The following FBP2 variants were observed in gnomAD, a reference collection of about 807,000 sequenced individuals.
The protein encoded by FBP2 is fructose-1,6-bisphosphatase isozyme 2.
In FBP2, 27 loss-of-function variants were observed where a neutral mutation model predicts 31.6. The observed-to-expected ratio is 0.85, with a 90% CI of 0.63 to 1.18. The LOEUF (loss-of-function observed/expected upper bound fraction) is 1.18. FBP2 is among the 50% of genes most tolerant of loss of function. The pLI, the probability that FBP2 is intolerant of heterozygous loss-of-function variation, is 0.00. For missense variants in FBP2, 421 were observed against 436.1 expected (o/e 0.97, Z 0.31); for synonymous variants, 168 against 179.8 (o/e 0.93, Z 0.53).
chr9:94,592,463 T>A (rs1360179118), intron 1 of FBP2, among the ~76,000 whole-genome samples: 1 of 152,214 alleles, frequency 6.6e-6, no homozygotes, highest in East Asian at 1.9e-4. Flanking sequence ...AAAATATGTG[T>A]TCCTTCAGCT....
At chr9:94,559,299 GCCAGATGCATCAGATGGC>G in intron 6 of FBP2, 167 bp from the exon 7 acceptor site, 3 of 625,318 alleles carry the variant, frequency 4.8e-6, no homozygotes, top group Non-Finnish European at 8.2e-6. Flanking sequence ...CCTACAGCAG[GCCAGATGCATCAGATGGC>G]ACTCATCCAG....
intron 3 of FBP2, among the ~76,000 whole-genome samples, chr9:94,574,742 G>A (rs1827300184): frequency 6.6e-6 from 1 of 151,928 alleles, no homozygotes. Flanking sequence ...TTTTCTTTCT[G>A]GTTTTATTCC....
intron 3 of FBP2, among the ~76,000 whole-genome samples, chr9:94,579,118 G>T (rs1827348752): frequency 7.2e-6 from 1 of 138,386 alleles, no homozygotes; most frequent in Admixed American, 7.4e-5. Context: ...AAAAAACTTG[G>T]CCAGGCACGG....
intron 1 of FBP2, among the ~76,000 whole-genome samples, chr9:94,591,734 G>T (rs1827505964): frequency 1.3e-5 from 2 of 152,166 alleles, no homozygotes; most frequent in African/African-American, 4.8e-5. Context: ...AGTTGAAATC[G>T]TCATCACATG....
chr9:94,587,369 T>A lies in FBP2; in HGVS notation c.271A>T (p.Ser91Cys). The A allele has an allele frequency of 6.2e-7, 1 of 1,614,096 alleles. No individual in the cohort carries two copies. The highest frequency in any genetic ancestry group is 8.5e-7 in the Non-Finnish European group (1 of 1,179,998). The change falls in exon 2 of 7, where the codon AGT becomes TGT. Residue 91 changes from serine to cysteine, a missense_variant. Transcript: ENST00000375337. ...LVINMVQSSYSTCVLVSEENK... is the reference protein window; with the variant it reads ...LVINMVQSSYCTCVLVSEENK... ...TCTTCTGAGACCAGGACGCAGGTAC[T>A]ATAGGAGGATTGGACCATGTTGATC...
At chr9:94,590,954 A>G (rs1406135166) in intron 1 of FBP2, among the ~76,000 whole-genome samples, 3 of 152,168 alleles carry the variant, frequency 2.0e-5, no homozygotes, top group Admixed American at 6.5e-5. Context: ...CTAGATACAG[A>G]GTGTCGATTG....
chr9:94,578,903 A>C (rs1420136026), intron 3 of FBP2, among the ~76,000 whole-genome samples: 1 of 151,190 alleles, frequency 6.6e-6, no homozygotes, highest in Non-Finnish European at 1.5e-5. Flanking sequence ...AATACAAAAA[A>C]TTAGCTGGGT....
At position 94,559,858 on chromosome 9, in the gene FBP2, T is replaced by C. The variant is rs922258145; in HGVS notation, c.826-726A>G. 7.2e-5 allele frequency among the ~76,000 whole-genome samples: 11 copies of C among 152,128 alleles called. 1 individual carries two copies. Among genetic ancestry groups the C allele is most frequent in the African/African-American group, 2.7e-4 (11 of 41,406 alleles). On this transcript the variant is annotated intron_variant, in intron 6 of 6. Transcript: ENST00000375337. ...AGTAGTGCCGACACAGAGAAAGTGT[T>C]GGCTCCGGCCTGTAATCCCAGGATT...
chr9:94,593,528 G>A (rs1477420264), intron 1 of FBP2, 29 bp downstream of exon 1: 1 of 1,600,038 alleles, frequency 6.2e-7, no homozygotes, highest in Admixed American at 1.7e-5. Context: ...GGGGTGCTCT[G>A]TGCCCCATGC....
chr9:94,587,354 C>T lies in FBP2; in HGVS notation c.286G>A (p.Val96Ile). The T allele has an allele frequency of 1.2e-6, 2 of 1,613,976 alleles. No individual in the cohort carries two copies. Among genetic ancestry groups the T allele is most frequent in the Non-Finnish European group, 1.7e-6 (2 of 1,179,946 alleles). ...VQSSYSTCVL[V>I]SEENKDAIIT... ...ATGGCGTCCTTATTCTCTTCTGAGACCAGGACGCAGGTACTATAGGAGGAT... is the reference window on the plus strand; with the variant it reads ...ATGGCGTCCTTATTCTCTTCTGAGATCAGGACGCAGGTACTATAGGAGGAT... The change falls in exon 2 of 7, where the codon GTC becomes ATC. Residue 96 changes from valine to isoleucine, a missense_variant. Coordinates refer to ENST00000375337, the MANE Select transcript of FBP2 (RefSeq NM_003837.4).
intron 2 of FBP2, among the ~76,000 whole-genome samples, chr9:94,586,195 C>A (rs961326812): frequency 6.6e-6 from 1 of 151,914 alleles, no homozygotes; most frequent in Non-Finnish European, 1.5e-5. Flanking sequence ...GCCAACATGG[C>A]GAAACCCCGT....
intron 1 of FBP2, among the ~76,000 whole-genome samples, chr9:94,589,371 C>T (rs1827465724): frequency 6.6e-6 from 1 of 152,284 alleles, no homozygotes; most frequent in East Asian, 1.9e-4. Context: ...GGGACGCCTC[C>T]CTGGTCCTCT....
At position 94,571,809 on chromosome 9, in the gene FBP2, C is replaced by T. The variant is rs149156858; in HGVS notation, c.427-207G>A. Among the ~76,000 whole-genome samples, 50 of 151,886 alleles carry T rather than the reference C, an allele frequency of 3.3e-4. No individual in the cohort carries two copies. In the East Asian group the frequency reaches 7.3e-3, roughly 22 times the overall value. ...CATGGCAAAGGCCATTCTTGGACTTCTTCCTTCCTGTTTTCCAAACGCATG... is the reference window on the plus strand; with the variant it reads ...CATGGCAAAGGCCATTCTTGGACTTTTTCCTTCCTGTTTTCCAAACGCATG... On this transcript the variant is annotated intron_variant, in intron 3 of 6. Coordinates refer to ENST00000375337, the MANE Select transcript of FBP2 (RefSeq NM_003837.4).
At chr9:94,587,554 G>T in intron 1 of FBP2, 85 bp from the exon 2 acceptor site, 1 of 1,178,236 alleles carries the variant, frequency 8.5e-7, no homozygotes, top group Non-Finnish European at 1.3e-6. Context: ...CGCCAGCAGT[G>T]CAGTCCCCTC....
intron 1 of FBP2, among the ~76,000 whole-genome samples, chr9:94,592,909 A>G (rs1216095567): frequency 6.6e-6 from 1 of 152,206 alleles, no homozygotes; most frequent in Non-Finnish European, 1.5e-5. Context: ...ACCTGGCCTC[A>G]TCTATGCTCG....
intron 1 of FBP2, among the ~76,000 whole-genome samples, chr9:94,589,284 G>A (rs1222352580): frequency 2.6e-5 from 4 of 152,076 alleles, no homozygotes; most frequent in South Asian, 2.1e-4. Flanking sequence ...GGTCCTTCTC[G>A]CCTTCACTAA....
intron 3 of FBP2, among the ~76,000 whole-genome samples, chr9:94,574,644 A>G (rs1827299408): frequency 6.6e-6 from 1 of 152,112 alleles, no homozygotes; most frequent in South Asian, 2.1e-4. Context: ...AAAATTATTC[A>G]TGACATTCCA....
At chr9:94,566,670 C>G (rs777528823) in intron 5 of FBP2, among the ~76,000 whole-genome samples, 2 of 152,156 alleles carry the variant, frequency 1.3e-5, no homozygotes, top group Non-Finnish European at 2.9e-5. Context: ...GGGTCTCCCC[C>G]ACCAAGCTGG....
At chr9:94,570,622 C>A (rs1827258675) in intron 4 of FBP2, 1 of 152,150 alleles carries the variant, frequency 6.6e-6, no homozygotes, top group South Asian at 2.1e-4. Flanking sequence ...TCAGGGTTTG[C>A]CAGCTTCTTT....
Sources: allele counts gnomAD v4.1 joint callset (sites outside exome capture counted in the v4.1 genomes callset), GRCh38; gene constraint gnomAD v4.1.1; transcripts MANE v1.5; gene names NCBI Gene and HGNC (gene_info 2026-07-23, HGNC 2026-07-21).